Variants in DCC observed in about 807,000 individuals in gnomAD.
DCC encodes the protein DCC netrin 1 receptor.
DCC carries 58 observed loss-of-function variants against 172.5 expected under a neutral mutation model. The ratio of observed to expected loss-of-function variants is 0.34; its 90% CI spans 0.27 to 0.42. The LOEUF (loss-of-function observed/expected upper bound fraction) is 0.42. Ranked by LOEUF, DCC falls within the 10% of genes least tolerant of loss-of-function variation. DCC has a pLI of 1.00. For synonymous variants in DCC, 709 were observed against 644.5 expected (o/e 1.10, Z -1.52); for missense variants, 1,740 against 1,791.0 (o/e 0.97, Z 0.51).
rs2040159849 is a variant in DCC at position 52,923,782 on chromosome 18, T to C, written c.773T>C (p.Val258Ala). Reference protein sequence around the residue: ...NVVAIEGKDAVLECCVSGYPP... With the variant: ...NVVAIEGKDAALECCVSGYPP... Reference sequence around the variant, plus strand: ...GTAGCCATTGAAGGAAAAGATGCTGTCCTGGAATGTTGTGTTTCTGGCTAT... The same window carrying C: ...GTAGCCATTGAAGGAAAAGATGCTGCCCTGGAATGTTGTGTTTCTGGCTAT... Residue 258 changes from valine (V) to alanine (A), a missense_variant, in exon 4 of 29, where the codon GTC becomes GCC. Around this residue, in one of 2 missense-constraint regions of DCC, gnomAD observed 1,732 missense variants for 1,767.4 expected, o/e 0.98. Coordinates refer to ENST00000442544, the MANE Select transcript of DCC (RefSeq NM_005215.4). 1.2e-6 allele frequency: 2 copies of C among 1,612,902 alleles called. No homozygotes were observed. Among genetic ancestry groups the C allele is most frequent in the South Asian group, 2.2e-5 (2 of 91,078 alleles).
At chr18:52,535,044 G>A (rs1034799570) in intron 1 of DCC, among the ~76,000 whole-genome samples, 4 of 152,240 alleles carry the variant, frequency 2.6e-5, no homozygotes, top group Admixed American at 2.6e-4. Context: ...ATCTCCAGCA[G>A]CAATATGCAT....
intron 2 of DCC, among the ~76,000 whole-genome samples, chr18:52,767,110 C>T (rs896922126): frequency 5.4e-4 from 81 of 150,380 alleles, no homozygotes; most frequent in African/African-American, 2.0e-3. Flanking sequence ...TAGGTGGGCC[C>T]TCTGCAAACA....
chr18:52,909,088 A>C (rs909676115), intron 3 of DCC, among the ~76,000 whole-genome samples: 1 of 150,194 alleles, frequency 6.7e-6, no homozygotes, highest in Non-Finnish European at 1.5e-5. Flanking sequence ...TGAGTGCATG[A>C]ATGAATGAAT....
At chr18:53,250,025 G>T (rs1250065298) in intron 12 of DCC, among the ~76,000 whole-genome samples, 1 of 151,958 alleles carries the variant, frequency 6.6e-6, no homozygotes, top group Non-Finnish European at 1.5e-5. Context: ...TCTTCGTGAA[G>T]ATCTGAAGTT....
At chr18:52,878,565 TAAAATTA>T (rs1163490750) in intron 2 of DCC, among the ~76,000 whole-genome samples, 1 of 152,202 alleles carries the variant, frequency 6.6e-6, no homozygotes, top group Non-Finnish European at 1.5e-5. Context: ...CCTCCCCATT[TAAAATTA>T]TTATGACTCT....
At chr18:53,496,277 C>A (rs1226452709) in intron 26 of DCC, among the ~76,000 whole-genome samples, 1 of 152,142 alleles carries the variant, frequency 6.6e-6, no homozygotes, top group Non-Finnish European at 1.5e-5. Context: ...ACTTTGCTGT[C>A]CTGCAGCCTC....
chr18:52,831,199 G>A (rs902358560), intron 2 of DCC, among the ~76,000 whole-genome samples: 5 of 152,134 alleles, frequency 3.3e-5, no homozygotes, highest in Non-Finnish European at 7.3e-5. Flanking sequence ...CATTTTCAAA[G>A]CATAGCAAGA....
At chr18:53,369,875 G>T (rs1343170055) in intron 15 of DCC, among the ~76,000 whole-genome samples, 1 of 151,712 alleles carries the variant, frequency 6.6e-6, no homozygotes, top group Non-Finnish European at 1.5e-5. Context: ...TTTTATTGTG[G>T]ATTTTGGCAT....
chr18:53,160,628 T>C (rs1026072268), intron 8 of DCC, among the ~76,000 whole-genome samples: 1 of 152,224 alleles, frequency 6.6e-6, no homozygotes, highest in African/African-American at 2.4e-5. Flanking sequence ...TTTAAATTCA[T>C]AGCTACTAAT....
At chr18:52,562,837 T>C (rs910089283) in intron 1 of DCC, among the ~76,000 whole-genome samples, 2 of 152,128 alleles carry the variant, frequency 1.3e-5, no homozygotes, top group African/African-American at 4.8e-5. Context: ...ACCATCTTGC[T>C]TAGGCTGGTC....
chr18:52,923,952 C>T (rs1598934545), intron 4 of DCC, 95 bp downstream of exon 4: 2 of 892,900 alleles, frequency 2.2e-6, no homozygotes, highest in Non-Finnish European at 3.7e-6. Flanking sequence ...ACCTACAGTA[C>T]TAGGGTTTTT....
At chr18:53,133,845 G>T (rs2043696484) in intron 7 of DCC, among the ~76,000 whole-genome samples, 1 of 152,122 alleles carries the variant, frequency 6.6e-6, no homozygotes, top group South Asian at 2.1e-4. Flanking sequence ...CAACAATAAT[G>T]CCAGCTATGA....
chr18:53,498,377 G>GAAAT (rs1331651388), intron 26 of DCC, among the ~76,000 whole-genome samples: 1 of 152,042 alleles, frequency 6.6e-6, no homozygotes, highest in Admixed American at 6.6e-5. Flanking sequence ...ACTTTATTAA[G>GAAAT]AAATAAGTCA....
chr18:52,718,997 G>A (rs2036432570), intron 1 of DCC, among the ~76,000 whole-genome samples: 1 of 152,114 alleles, frequency 6.6e-6, no homozygotes, highest in Non-Finnish European at 1.5e-5. Context: ...TTTTCCCTCT[G>A]AAAACTCAGG....
intron 1 of DCC, among the ~76,000 whole-genome samples, chr18:52,485,983 A>C (rs1487139553): frequency 1.3e-5 from 2 of 151,974 alleles, no homozygotes; most frequent in Non-Finnish European, 2.9e-5. Flanking sequence ...TTCCCAGCTG[A>C]TATTTATTTA....
At chr18:53,280,030 C>T (rs1209920396) in intron 12 of DCC, among the ~76,000 whole-genome samples, 2 of 151,984 alleles carry the variant, frequency 1.3e-5, no homozygotes, top group African/African-American at 4.8e-5. Context: ...ATACCAAGCC[C>T]CTATCACACA....
intron 2 of DCC, among the ~76,000 whole-genome samples, chr18:52,890,309 C>T (rs563147417): frequency 4.6e-5 from 7 of 151,952 alleles, no homozygotes; most frequent in Middle Eastern, 3.4e-3. Flanking sequence ...GGGTTGGAGC[C>T]AGAGGGAGGC....
At chr18:52,834,593 C>T (rs2038670537) in intron 2 of DCC, among the ~76,000 whole-genome samples, 1 of 152,136 alleles carries the variant, frequency 6.6e-6, no homozygotes, top group Non-Finnish European at 1.5e-5. Flanking sequence ...TATAAAAGCA[C>T]ACAAGCTAAT....
chr18:52,565,806 T>C (rs1568232050), intron 1 of DCC, among the ~76,000 whole-genome samples: 1 of 152,192 alleles, frequency 6.6e-6, no homozygotes, highest in African/African-American at 2.4e-5. Context: ...ACGCTGATGA[T>C]TGTTTCTTTT....
Sources: gnomAD v4.1 joint callset for allele counts (sites outside exome capture counted in the v4.1 genomes callset) on GRCh38, gnomAD v4.1.1 for gene constraint, gnomAD v4.1.1 regional missense constraint, MANE v1.5 for transcripts, NCBI Gene and HGNC (gene_info 2026-07-23, HGNC 2026-07-21) for gene names.